The following RHOBTB1 variants were observed in gnomAD, a reference collection of about 807,000 sequenced individuals.
The protein encoded by RHOBTB1 is rho-related BTB domain-containing protein 1.
In RHOBTB1, 40 loss-of-function variants were observed where a neutral mutation model predicts 71.6. The observed-to-expected ratio is 0.56, with a 90% CI of 0.43 to 0.73. The LOEUF is 0.73. Among genes scored for constraint, RHOBTB1 ranks in the 30% least tolerant of loss-of-function variants. RHOBTB1 has a pLI of 0.00. For synonymous variants in RHOBTB1, 319 were observed against 334.9 expected (o/e 0.95, Z 0.52); for missense variants, 797 against 894.0 (o/e 0.89, Z 1.38).
intron 2 of RHOBTB1, among the ~76,000 whole-genome samples, chr10:60,928,313 T>C (rs894012909): frequency 1.5e-5 from 2 of 136,240 alleles, no homozygotes; most frequent in African/African-American, 2.7e-5. Context: ...ATCCCACTGA[T>C]GGGTATATAT....
At chr10:60,861,676 C>G in the RHOBTB1 span, among the ~76,000 whole-genome samples, 1 of 152,022 alleles carries the variant, frequency 6.6e-6, no homozygotes, top group African/African-American at 2.4e-5. Context: ...GAGATAAATG[C>G]CATTTTTGGA....
intron 2 of RHOBTB1, among the ~76,000 whole-genome samples, chr10:60,978,149 A>G (rs181565901): frequency 6.6e-6 from 1 of 152,298 alleles, no homozygotes; most frequent in Non-Finnish European, 1.5e-5. Flanking sequence ...TGCATTAAAT[A>G]TATATTTTTG....
chr10:60,915,322 G>A (rs1292105164), intron 2 of RHOBTB1, among the ~76,000 whole-genome samples: 2 of 152,070 alleles, frequency 1.3e-5, no homozygotes, highest in East Asian at 1.9e-4. Flanking sequence ...TACGTAGAAT[G>A]AGAGTAATAA....
intron 4 of RHOBTB1, among the ~76,000 whole-genome samples, chr10:60,896,208 G>A (rs941760427): frequency 6.6e-6 from 1 of 152,222 alleles, no homozygotes; most frequent in African/African-American, 2.4e-5. Flanking sequence ...TCTGACATAA[G>A]CTTGTGTTTA....
intron 2 of RHOBTB1, among the ~76,000 whole-genome samples, chr10:60,932,677 T>C (rs1293624544): frequency 6.6e-6 from 1 of 152,082 alleles, no homozygotes; most frequent in Non-Finnish European, 1.5e-5. Context: ...GGCAAAGATG[T>C]TCATGATACA....
At chr10:60,940,082 C>G (rs2134167313) in intron 2 of RHOBTB1, among the ~76,000 whole-genome samples, 1 of 152,198 alleles carries the variant, frequency 6.6e-6, no homozygotes, top group Non-Finnish European at 1.5e-5. Context: ...TAGAATGTGA[C>G]CTATTTTGTA....
Position 60,990,229 on chromosome 10 carries a change from C to T in RHOBTB1, c.-162-4284G>A, listed in dbSNP as rs375856894. Among the ~76,000 whole-genome samples, 930 of 152,028 alleles carry T rather than the reference C, an allele frequency of 6.1e-3. 5 individuals are homozygous for T. The highest frequency in any genetic ancestry group is 0.022 in the African/African-American group (897 of 41,462). ...CGATCTCCTGACCTCGTGATCTGCCCGCCTCGGCCTCCCAAAGTGCTGGGA... is the reference window on the plus strand; with the variant it reads ...CGATCTCCTGACCTCGTGATCTGCCTGCCTCGGCCTCCCAAAGTGCTGGGA... On this transcript the variant is annotated intron_variant, in intron 1 of 11. Transcript: ENST00000357917.
chr10:60,884,472 A>G (rs1019970395), intron 7 of RHOBTB1, among the ~76,000 whole-genome samples: 11 of 152,224 alleles, frequency 7.2e-5, no homozygotes, highest in Non-Finnish European at 1.6e-4. Context: ...CTAAAGTTAG[A>G]AGTGCTTGAA....
At chr10:61,001,380 C>T (rs965351168) in intron 1 of RHOBTB1, 2 of 151,850 alleles carry the variant, frequency 1.3e-5, no homozygotes, top group Admixed American at 6.6e-5. Context: ...CCCGCCACGC[C>T]CCGCGACGCC....
In RHOBTB1 at chr10:60,888,790, T is replaced by C; in HGVS notation, c.878A>G (p.Tyr293Cys). ...TTCACATTCCATTAAAAACAGATCA[T>C]AAAATTTGGAAGAAGAGGTAGCGAG... ...IYLATSSSKF[Y>C]DLFLMECEES... The change falls in exon 6 of 11, where the codon TAT (tyrosine) becomes TGT (cysteine). Residue 293 changes from tyrosine to cysteine, a missense_variant. Tyr to Cys is a radical substitution (Grantham distance 194). This residue lies in a region of RHOBTB1 where 658 missense variants were observed against 681.5 expected (regional missense o/e 0.97). Transcript: ENST00000337910. 1.2e-6 allele frequency: 2 copies of C among 1,614,174 alleles called. No homozygotes were observed. The highest frequency in any genetic ancestry group is 1.7e-6 in the Non-Finnish European group (2 of 1,180,030).
At position 60,879,182 on chromosome 10, in the gene RHOBTB1, T is replaced by C. The variant is rs112637448; in HGVS notation, c.1576-1124A>G. 9.9e-3 allele frequency among the ~76,000 whole-genome samples: 1,511 copies of C among 152,268 alleles called. 13 individuals are homozygous for C. Among genetic ancestry groups the C allele is most frequent in the Non-Finnish European group, 0.015 (1,017 of 68,018 alleles). On this transcript the variant is annotated intron_variant, in intron 7 of 10. Transcript: ENST00000337910. ...GACTGGGATTTAAACCCAGGGAGTA[T>C]GATGCGAAAGTGTATGTTCAGAATT...
rs147044318 is a variant in RHOBTB1 at position 60,970,988 on chromosome 10, C to T, written c.-62+14857G>A. On this transcript the variant is annotated intron_variant, in intron 2 of 11. Coordinates refer to the RHOBTB1 transcript ENST00000357917. ...GTAAAACTTCAGAGAACTTTTGTGA[C>T]GATTCAGTGAAAATCATACATATAA... 3.3e-4 allele frequency among the ~76,000 whole-genome samples: 50 copies of T among 152,018 alleles called. No individual in the cohort carries two copies. In the East Asian group the frequency reaches 4.3e-3, roughly 13 times the overall value.
intron 4 of RHOBTB1, among the ~76,000 whole-genome samples, chr10:60,898,965 T>G (rs1057200455): frequency 6.6e-6 from 1 of 152,186 alleles, no homozygotes; most frequent in African/African-American, 2.4e-5. Context: ...GCAATTACGT[T>G]TGCACCAACC....
chr10:60,997,683 AT>A (rs2087105152), intron 1 of RHOBTB1, among the ~76,000 whole-genome samples: 1 of 152,214 alleles, frequency 6.6e-6, no homozygotes, highest in Non-Finnish European at 1.5e-5. Flanking sequence ...AATGATAAGT[AT>A]TAAAAGGCTG....
intron 6 of RHOBTB1, among the ~76,000 whole-genome samples, chr10:60,887,650 G>T (rs2081652828): frequency 6.6e-6 from 1 of 152,214 alleles, no homozygotes. Flanking sequence ...AAGGAGAGGG[G>T]ATGGAAACAG....
In RHOBTB1 at chr10:60,871,564, C is replaced by A; in HGVS notation, c.2009G>T (p.Arg670Leu). ...ATTTAGTGCAATATCTTCCTTCTCT[C>A]GTTCCCTTTTCACACGCTGGTAGTG... ...EDHYQRVKRE[R>L]EKEDIALNKH... Residue 670 changes from arginine to leucine, a missense_variant, in exon 11 of 11, where the codon CGA becomes CTA. By Grantham distance (102) the Arg-to-Leu change is moderately radical (BLOSUM62 -2). Around this residue, in one of 2 missense-constraint regions of RHOBTB1, gnomAD observed 658 missense variants for 681.5 expected, o/e 0.97. Transcript: ENST00000337910. 8 of 1,614,086 alleles carry A rather than the reference C, an allele frequency of 5.0e-6. No individual in the cohort carries two copies. Among genetic ancestry groups the A allele is most frequent in the Non-Finnish European group, 5.9e-6 (7 of 1,179,994 alleles).
At position 60,956,661 on chromosome 10, in the gene RHOBTB1, CT is replaced by C. The variant is rs770963951; in HGVS notation, c.-61-14808del. On this transcript the variant is annotated intron_variant, in intron 2 of 11. Transcript: ENST00000357917. ...TATTTTCATGTTTTTACTTTTTAGACTTTTTTTTTTTTGTTAAAATCTAGGA... is the reference window on the plus strand; with the variant it reads ...TATTTTCATGTTTTTACTTTTTAGACTTTTTTTTTTTGTTAAAATCTAGGA... Among the ~76,000 whole-genome samples, 907 of 143,762 alleles carry C rather than the reference CT, an allele frequency of 6.3e-3. 2 individuals carry two copies. The highest frequency in any genetic ancestry group is 0.011 in the Middle Eastern group (3 of 274). The allele number at this position is 143,762 out of a possible 152,430, so 94.3% of individuals were successfully genotyped here. A position where few individuals can be genotyped will look rare whatever the true frequency, so the allele number is the denominator to read the frequency against.
At chr10:60,996,295 T>C (rs570494491) in intron 1 of RHOBTB1, among the ~76,000 whole-genome samples, 2 of 152,320 alleles carry the variant, frequency 1.3e-5, no homozygotes, top group South Asian at 4.1e-4. Flanking sequence ...TTTTTTTACC[T>C]GCCCAAGCTG....
At chr10:60,875,274 AAATAGCCAG>A (rs2080998537) in intron 8 of RHOBTB1, among the ~76,000 whole-genome samples, 1 of 152,174 alleles carries the variant, frequency 6.6e-6, no homozygotes, top group African/African-American at 2.4e-5. Context: ...CATGGCTCTG[AAATAGCCAG>A]AATCCTCCAG....
Sources: gnomAD v4.1 joint callset for allele counts (sites outside exome capture counted in the v4.1 genomes callset) on GRCh38, gnomAD v4.1.1 for gene constraint, gnomAD v4.1.1 regional missense constraint, MANE v1.5 for transcripts, NCBI Gene and HGNC (gene_info 2026-07-23, HGNC 2026-07-21) for gene names.